ITGBL1: variants seen among roughly 807,000 people sequenced by gnomAD.
ITGBL1 encodes integrin beta-like protein 1.
A neutral mutation model predicts 68.5 loss-of-function variants in ITGBL1; 51 were observed. That is an observed-to-expected ratio of 0.74 (90% CI 0.59 to 0.94). ITGBL1 has a LOEUF of 0.94. Ranked by LOEUF, ITGBL1 falls within the 40% of genes least tolerant of loss-of-function variation. The pLI is 0.00. For synonymous variants in ITGBL1, 209 were observed against 227.3 expected, an observed-to-expected ratio of 0.92 and a Z score of 0.72; for missense variants, 649 against 647.4, an observed-to-expected ratio of 1.00 and a Z score of -0.03.
chr13:101,556,900 A>T (rs1226096748), intron 2 of ITGBL1, among the ~76,000 whole-genome samples: 1 of 152,202 alleles, frequency 6.6e-6, no homozygotes, highest in African/African-American at 2.4e-5. Context: ...GGAGTTACTC[A>T]ATTTGTGGGA....
At chr13:101,526,093 C>G (rs1298103294) in intron 2 of ITGBL1, among the ~76,000 whole-genome samples, 1 of 151,236 alleles carries the variant, frequency 6.6e-6, no homozygotes, top group African/African-American at 2.4e-5. Context: ...AAACATTTTA[C>G]TTGAAACTGT....
intron 3 of ITGBL1, among the ~76,000 whole-genome samples, chr13:101,574,768 G>A (rs192564264): frequency 9.9e-5 from 15 of 152,132 alleles, no homozygotes; most frequent in African/African-American, 3.1e-4. Flanking sequence ...TATATGGCTC[G>A]TGGTAGACCA....
intron 7 of ITGBL1, among the ~76,000 whole-genome samples, chr13:101,611,664 A>G (rs753219832): frequency 3.3e-5 from 5 of 150,830 alleles, no homozygotes; most frequent in Admixed American, 1.3e-4. Flanking sequence ...CAGCTGTGTG[A>G]CCCAGCAAGT....
intron 2 of ITGBL1, among the ~76,000 whole-genome samples, chr13:101,456,301 C>G (rs760163753): frequency 6.6e-6 from 1 of 152,200 alleles, no homozygotes; most frequent in Non-Finnish European, 1.5e-5. Flanking sequence ...AATCTGTCCC[C>G]GCAAATGCCC....
At chr13:101,657,056 C>T (rs950270833) in intron 7 of ITGBL1, among the ~76,000 whole-genome samples, 3 of 151,836 alleles carry the variant, frequency 2.0e-5, no homozygotes, top group Non-Finnish European at 4.4e-5. Flanking sequence ...GCTGCACCCA[C>T]TAACTCGTCA....
chr13:101,611,635 T>C (rs995035627), intron 7 of ITGBL1, among the ~76,000 whole-genome samples: 3 of 151,854 alleles, frequency 2.0e-5, no homozygotes, highest in African/African-American at 7.3e-5. Flanking sequence ...CCTGAGTTAG[T>C]CTGGGTTCAG....
chr13:101,545,129 A>G (rs140163409), intron 2 of ITGBL1, among the ~76,000 whole-genome samples: 2,353 of 152,246 alleles, frequency 0.015, 70 homozygotes, highest in African/African-American at 0.053. Flanking sequence ...AAAATCGCCC[A>G]TCTTCTGCGT....
At chr13:101,491,480 G>T (rs2048775692) in intron 2 of ITGBL1, among the ~76,000 whole-genome samples, 1 of 152,150 alleles carries the variant, frequency 6.6e-6, no homozygotes. Flanking sequence ...ACGGTAGAGA[G>T]CCCTGTGGCC....
rs527693691 is a variant in ITGBL1, at chr13:101,612,042, A to G, written c.1015+13743A>G. ...ATGGCATTCTTTCCTTTGGAATATA[A>G]CAATTTAAGATGGATGAGATTTTGG... On this transcript the variant is annotated intron_variant, in intron 7 of 10. Coordinates refer to ENST00000376180, the MANE Select transcript of ITGBL1 (RefSeq NM_004791.3). Among the ~76,000 whole-genome samples, 8 of 152,320 alleles carry G rather than the reference A, an allele frequency of 5.3e-5. No individual in the cohort carries two copies. In the South Asian group the frequency reaches 1.7e-3, roughly 32 times the overall value.
At chr13:101,705,292 C>CAAAAAAAAAAAAAAAAAAAAA (rs66461824) in intron 8 of ITGBL1, among the ~76,000 whole-genome samples, 2 of 105,030 alleles carry the variant, frequency 1.9e-5, no homozygotes. Context: ...ATTTAAAAAG[C>CAAAAAAAAAAAAAAAAAAAAA]AAAAAAAAAA....
At chr13:101,529,097 C>T (rs1309349700) in intron 2 of ITGBL1, among the ~76,000 whole-genome samples, 1 of 150,728 alleles carries the variant, frequency 6.6e-6, no homozygotes, top group Non-Finnish European at 1.5e-5. Flanking sequence ...CTAGAAATAT[C>T]AAAAGAACAA....
chr13:101,537,175 C>T (rs577586322), intron 2 of ITGBL1, among the ~76,000 whole-genome samples: 25 of 151,968 alleles, frequency 1.6e-4, no homozygotes, highest in Non-Finnish European at 3.5e-4. Flanking sequence ...TTCTAATCAA[C>T]TTGTATATTA....
chr13:101,457,592 A>T (rs1011315161), intron 2 of ITGBL1, among the ~76,000 whole-genome samples: 1 of 152,092 alleles, frequency 6.6e-6, no homozygotes, highest in African/African-American at 2.4e-5. Context: ...GTTCCTATGG[A>T]TGTGATGGTC....
intron 7 of ITGBL1, among the ~76,000 whole-genome samples, chr13:101,605,721 C>T (rs541326309): frequency 8.4e-4 from 126 of 150,680 alleles, no homozygotes; most frequent in Non-Finnish European, 1.6e-3. Flanking sequence ...TGCGTATATG[C>T]GTGTACACGT....
intron 2 of ITGBL1, among the ~76,000 whole-genome samples, chr13:101,471,006 A>C (rs1295003430): frequency 6.6e-6 from 1 of 152,244 alleles, no homozygotes; most frequent in African/African-American, 2.4e-5. Context: ...CTGTGCAATC[A>C]GTCACTTTGT....
chr13:101,530,033 G>A lies in ITGBL1; in HGVS notation c.317-37666G>A, dbSNP rs1420082566. ...ACTGTTATCTATAAGGAAGAACTCA[G>A]GGAATATTGAGTAATCTAATAAAGA... On this transcript the variant is annotated intron_variant, in intron 2 of 10. Coordinates refer to ENST00000376180, the MANE Select transcript of ITGBL1 (RefSeq NM_004791.3). Among the ~76,000 whole-genome samples, 3 of 152,210 alleles carry A rather than the reference G, an allele frequency of 2.0e-5. No individual in the cohort carries two copies. The East Asian group carries it at 5.8e-4, about 29-fold the overall frequency.
intron 7 of ITGBL1, among the ~76,000 whole-genome samples, chr13:101,689,567 T>C (rs2033837669): frequency 6.6e-6 from 1 of 151,764 alleles, no homozygotes; most frequent in Non-Finnish European, 1.5e-5. Context: ...ATCATGCCAC[T>C]GCACTCCAAC....
chr13:101,504,249 C>G (rs1025336865), intron 2 of ITGBL1, among the ~76,000 whole-genome samples: 1 of 152,098 alleles, frequency 6.6e-6, no homozygotes, highest in Non-Finnish European at 1.5e-5. Context: ...AACTGTTCAT[C>G]CCTTTTGTGC....
chr13:101,701,300 C>T (rs935622260), intron 8 of ITGBL1, among the ~76,000 whole-genome samples: 6 of 151,976 alleles, frequency 3.9e-5, no homozygotes, highest in African/African-American at 7.3e-5. Flanking sequence ...TTTGGGAGGC[C>T]GAGGCGGGCA....
Sources: allele counts gnomAD v4.1 joint callset (sites outside exome capture counted in the v4.1 genomes callset), GRCh38; gene constraint gnomAD v4.1.1; transcripts MANE v1.5; gene names NCBI Gene and HGNC (gene_info 2026-07-23, HGNC 2026-07-21).